Variants in DMBT1 observed in about 807,000 individuals in gnomAD.
DMBT1 encodes the protein deleted in malignant brain tumors 1.
Under a neutral mutation model 252.9 loss-of-function variants are expected in DMBT1, and 198 were observed. The observed-to-expected ratio is 0.78, with a 90% confidence interval of 0.70 to 0.88. DMBT1 has a LOEUF of 0.88. Among genes scored for constraint, DMBT1 ranks in the 40% least tolerant of loss-of-function variants. The probability of loss-of-function intolerance (pLI) is 0.00; values close to 1 mark genes in which losing one functional copy is unlikely to be tolerated. For synonymous variants in DMBT1, 990 were observed against 942.7 expected, an observed-to-expected ratio of 1.05 and a Z score of -0.92; for missense variants, 2,432 against 2,404.7, an observed-to-expected ratio of 1.01 and a Z score of -0.24.
Position 122,637,148 on chromosome 10 carries a change from C to T in DMBT1, c.6778C>T (p.His2260Tyr). 6.2e-7 allele frequency: 1 copy of T among 1,613,902 alleles called. No individual in the cohort carries two copies. Among genetic ancestry groups the T allele is most frequent in the Non-Finnish European group, 8.5e-7 (1 of 1,179,846 alleles). Reference sequence around the variant, plus strand: ...ATCAGACCTGCTCTGTCTGCCAAATCACATGCAAGCCAGTGTGAGCAGGAG... The same window carrying T: ...ATCAGACCTGCTCTGTCTGCCAAATTACATGCAAGCCAGTGTGAGCAGGAG... The part of the protein sequence containing the change: ...DSTNLLCLPN[H>Y]MQASVSRSYL... The change falls in exon 54 of 56, where the codon CAC becomes TAC. Residue 2260 changes from histidine to tyrosine, a missense_variant. His to Tyr is a moderately conservative substitution (Grantham distance 83). Coordinates refer to ENST00000338354, the MANE Select transcript of DMBT1 (RefSeq NM_001377530.1).
intron 46 of DMBT1, 107 bp downstream of exon 46, chr10:122,626,072 C>A (rs144488065): frequency 5.6e-6 from 5 of 891,552 alleles, no homozygotes; most frequent in Non-Finnish European, 9.6e-6. Flanking sequence ...CCTCAATCTG[C>A]ACATAGCCCT....
At chr10:122,633,037 G>T in intron 51 of DMBT1, 147 bp downstream of exon 51, 1 of 1,495,190 alleles carries the variant, frequency 6.7e-7, no homozygotes, top group Non-Finnish European at 9.1e-7. Flanking sequence ...CTCAGTGGAC[G>T]GTCCAGATCT....
chr10:122,599,131 G>C (rs1403610811), intron 26 of DMBT1, 34 bp downstream of exon 26: 2 of 1,613,640 alleles, frequency 1.2e-6, no homozygotes, highest in African/African-American at 2.7e-5. Flanking sequence ...CACTCTCTTG[G>C]GGTGGAGTTT....
At chr10:122,599,945 G>A in intron 26 of DMBT1, 119 bp from the exon 27 acceptor site, 3 of 1,426,032 alleles carry the variant, frequency 2.1e-6, no homozygotes, top group South Asian at 2.4e-5. Flanking sequence ...GCCCCTCCCT[G>A]TGTGATAGGA....
In DMBT1 at chr10:122,617,999, T is replaced by A; in HGVS notation, c.4892-18T>A. The stretch of plus-strand genomic sequence containing the variant: ...CTCCTGGTGGGGATGGATGAAGGGT[T>A]CTTGTGTTCCCCTGTAGGATCTGAA... On this transcript the variant is annotated intron_variant, in intron 40 of 55. Coordinates refer to ENST00000338354, the MANE Select transcript of DMBT1 (RefSeq NM_001377530.1). 2 of 1,611,898 alleles carry A rather than the reference T, an allele frequency of 1.2e-6. No individual in the cohort carries two copies. Among genetic ancestry groups the A allele is most frequent in the Non-Finnish European group, 1.7e-6 (2 of 1,179,652 alleles).
chr10:122,638,172 G>A (rs1843818252), intron 54 of DMBT1, among the ~76,000 whole-genome samples: 1 of 152,170 alleles, frequency 6.6e-6, no homozygotes, highest in South Asian at 2.1e-4. Flanking sequence ...ATTGTGTTGG[G>A]TTCTGGCTTG....
At chr10:122,640,518 G>T (rs376626612) in intron 55 of DMBT1, 69 bp downstream of exon 55, 89 of 1,485,576 alleles carry the variant, frequency 6.0e-5, no homozygotes, top group East Asian at 4.2e-4. Flanking sequence ...AGCCCCAAAG[G>T]CTTGAAGAAT....
At chr10:122,566,118 A>G in intron 2 of DMBT1, 122 bp downstream of exon 2, 2 of 992,358 alleles carry the variant, frequency 2.0e-6, no homozygotes, top group Non-Finnish European at 3.1e-6. Flanking sequence ...TGTCGAATGC[A>G]GGAATGCCGG....
At chr10:122,593,692 G>A in intron 21 of DMBT1, 94 bp downstream of exon 21, 1 of 1,399,844 alleles carries the variant, frequency 7.1e-7, no homozygotes, top group Non-Finnish European at 9.8e-7. Flanking sequence ...TCTCTGTGTG[G>A]ATACTGTGGG....
chr10:122,640,729 A>G (rs896535833), intron 55 of DMBT1, among the ~76,000 whole-genome samples: 1 of 152,216 alleles, frequency 6.6e-6, no homozygotes, highest in Non-Finnish European at 1.5e-5. Context: ...AGAATAGAAC[A>G]GCTCAGCAGT....
intron 42 of DMBT1, 49 bp from the exon 43 acceptor site, chr10:122,620,204 T>G (rs535100324): frequency 6.3e-7 from 1 of 1,595,298 alleles, no homozygotes; most frequent in Non-Finnish European, 8.6e-7. Context: ...TTTTGTAGCT[T>G]TCCTCCCTCA....
intron 2 of DMBT1, 119 bp downstream of exon 2, chr10:122,566,115 T>C (rs2981768): frequency 1 from 1,095,277 of 1,098,680 alleles, 545,999 homozygotes; most frequent in East Asian, 1. Flanking sequence ...CCTTGTCGAA[T>C]GCAGGAATGC....
intron 43 of DMBT1, among the ~76,000 whole-genome samples, chr10:122,620,668 C>T (rs543411666): frequency 1.3e-5 from 2 of 152,346 alleles, no homozygotes; most frequent in South Asian, 4.1e-4. Flanking sequence ...TCCTACCATT[C>T]CTGGCACTTT....
At chr10:122,597,832 C>T in intron 24 of DMBT1, 142 bp from the exon 25 acceptor site, 1 of 1,258,360 alleles carries the variant, frequency 7.9e-7, no homozygotes, top group African/African-American at 1.5e-5. Flanking sequence ...GAGCTGCAGA[C>T]TTGGGCAGAC....
chr10:122,590,071 A>G lies in DMBT1; in HGVS notation c.2108-594A>G, dbSNP rs2097836220. Among the ~76,000 whole-genome samples the G allele has an allele frequency of 1.3e-5, 2 of 148,660 alleles. 1 individual carries two copies. The highest frequency in any genetic ancestry group is 4.6e-4 in the South Asian group (2 of 4,386). On this transcript the variant is annotated intron_variant, in intron 17 of 55. Transcript: ENST00000338354. ...CGGACGATCTCACCGGGAGGAGTCC[A>G]GAACCAAAGGCTTATGCTGGGAAGG...
At chr10:122,590,827 G>A in intron 18 of DMBT1, 133 bp downstream of exon 18, 1 of 1,156,682 alleles carries the variant, frequency 8.6e-7, no homozygotes, top group Non-Finnish European at 1.3e-6. Flanking sequence ...CTCTGTAACT[G>A]AGACCCTAGC....
intron 2 of DMBT1, among the ~76,000 whole-genome samples, chr10:122,567,256 C>A (rs1042922421): frequency 1.3e-5 from 2 of 152,162 alleles, no homozygotes; most frequent in Non-Finnish European, 2.9e-5. Context: ...ACAGGGTGAC[C>A]AGGAGGGGGC....
intron 40 of DMBT1, among the ~76,000 whole-genome samples, chr10:122,617,569 C>T (rs1258344683): frequency 6.6e-6 from 1 of 151,646 alleles, no homozygotes; most frequent in Non-Finnish European, 1.5e-5. Flanking sequence ...TGACCACGCA[C>T]TGCAGACCTG....
At chr10:122,572,164 G>A (rs1490283592) in intron 4 of DMBT1, 150 bp from the exon 5 acceptor site, 3 of 1,085,938 alleles carry the variant, frequency 2.8e-6, no homozygotes, top group African/African-American at 3.1e-5. Context: ...TACAGTGACA[G>A]AGTGATTGGC....
Sources: allele counts gnomAD v4.1 joint callset (sites outside exome capture counted in the v4.1 genomes callset), GRCh38; gene constraint gnomAD v4.1.1; transcripts MANE v1.5; gene names NCBI Gene and HGNC (gene_info 2026-07-23, HGNC 2026-07-21).